PUDP: variants seen among roughly 807,000 people sequenced by gnomAD.
The protein encoded by PUDP is pseudouridine 5'-phosphatase.
A neutral mutation model predicts 9.4 loss-of-function variants in PUDP; 8 were observed. The observed-to-expected ratio is 0.85, with a 90% CI of 0.50 to 1.53. The LOEUF is 1.53. Among genes scored for constraint, PUDP ranks in the 40% most tolerant of loss-of-function variants. The pLI is 0.00. For missense variants in PUDP, 188 were observed against 189.7 expected, an observed-to-expected ratio of 0.99 and a Z score of 0.05; for synonymous variants, 99 against 80.7, an observed-to-expected ratio of 1.23 and a Z score of -1.22.
chrX:7,124,896 G>A (rs765443731), intron 1 of PUDP, among the ~76,000 whole-genome samples: 23 of 108,932 alleles, frequency 2.1e-4, no homozygotes, highest in South Asian at 4.0e-4. Context: ...TGCAGTGAGC[G>A]GAGATGGCGC....
intron 1 of PUDP, among the ~76,000 whole-genome samples, chrX:7,145,785 T>G (rs1932845338): frequency 1.8e-5 from 2 of 111,762 alleles, no homozygotes; most frequent in African/African-American, 6.5e-5. Context: ...TTTTCAATTT[T>G]ACTTCCCCAA....
At chrX:6,947,732 C>T (rs1176559251) in intron 3 of PUDP, among the ~76,000 whole-genome samples, 2 of 110,443 alleles carry the variant, frequency 1.8e-5, no homozygotes, top group Non-Finnish European at 3.8e-5. Context: ...TTCAAGGTTA[C>T]AGTGCACTGT....
At chrX:6,832,884 A>G (rs1309235634) in intron 3 of PUDP, among the ~76,000 whole-genome samples, 1 of 111,274 alleles carries the variant, frequency 9.0e-6, no homozygotes, top group Non-Finnish European at 1.9e-5. Flanking sequence ...CCTAATGGTT[A>G]ATTCTAGCAC....
intron 2 of PUDP, among the ~76,000 whole-genome samples, chrX:7,087,587 T>C (rs1355506623): frequency 8.9e-6 from 1 of 112,520 alleles, no homozygotes; most frequent in South Asian, 3.7e-4. Flanking sequence ...CCATCTTAAT[T>C]ATCTTTCTCA....
downstream of PUDP, among the ~76,000 whole-genome samples, chrX:7,045,934 TATGCAGTGAA>T (rs1282568485): frequency 2.4e-4 from 27 of 112,188 alleles, no homozygotes; most frequent in East Asian, 8.4e-4. Flanking sequence ...TGGAATTGAA[TATGCAGTGAA>T]ATGCAGTGAA....
intron 2 of PUDP, 128 bp downstream of exon 2, chrX:7,105,492 G>A (rs929691334): frequency 6.6e-6 from 3 of 455,425 alleles, no homozygotes; most frequent in Non-Finnish European, 7.4e-6. Context: ...GCACCAGGAG[G>A]GACTTAGTTT....
intron 3 of PUDP, among the ~76,000 whole-genome samples, chrX:6,958,714 A>T (rs780164275): frequency 8.4e-5 from 8 of 95,060 alleles, no homozygotes; most frequent in Admixed American, 6.4e-4. Flanking sequence ...CCAACATTGC[A>T]CTCTTGGGCA....
chrX:7,115,134 G>A (rs1176218214), intron 1 of PUDP, among the ~76,000 whole-genome samples: 2 of 112,257 alleles, frequency 1.8e-5, no homozygotes, highest in Non-Finnish European at 3.8e-5. Context: ...GCATTCTCAC[G>A]GACATGGCCA....
intron 3 of PUDP, among the ~76,000 whole-genome samples, chrX:6,893,851 A>C (rs1040130264): frequency 8.9e-6 from 1 of 111,814 alleles, no homozygotes; most frequent in Non-Finnish European, 1.9e-5. Context: ...ATCAACCCAA[A>C]TGCCTGTCAG....
chrX:7,135,947 T>C (rs189139185), intron 1 of PUDP, among the ~76,000 whole-genome samples: 183 of 111,495 alleles, frequency 1.6e-3, no homozygotes, highest in African/African-American at 5.6e-3. Flanking sequence ...CAATATTTCA[T>C]AGTACCCCCT....
intron 3 of PUDP, among the ~76,000 whole-genome samples, chrX:6,788,768 A>T (rs1158656590): frequency 2.7e-5 from 3 of 112,533 alleles, no homozygotes; most frequent in African/African-American, 9.7e-5. Flanking sequence ...GACAAAAAAC[A>T]AGTAAATAGG....
At chrX:6,971,395 G>GT (rs1928873291) in intron 3 of PUDP, among the ~76,000 whole-genome samples, 1 of 108,339 alleles carries the variant, frequency 9.2e-6, no homozygotes, top group Admixed American at 9.9e-5. Flanking sequence ...ATTTAAAGTA[G>GT]TTTTTTCTTT....
At chrX:6,787,921 A>G (rs937067245) in intron 3 of PUDP, among the ~76,000 whole-genome samples, 8 of 112,530 alleles carry the variant, frequency 7.1e-5, no homozygotes, top group African/African-American at 2.6e-4. Flanking sequence ...TTTGTTCCCA[A>G]AGCCTCTGCT....
intron 3 of PUDP, among the ~76,000 whole-genome samples, chrX:6,930,329 TA>T (rs1928169640): frequency 9.0e-6 from 1 of 111,445 alleles, no homozygotes; most frequent in African/African-American, 3.3e-5. Flanking sequence ...ACCCTACTGA[TA>T]AGACAGGATG....
rs10699067 is a variant in PUDP, at chrX:7,000,139, A to AAGAG, written c.205-21800_205-21797dup. ...AGAGCGAGAGCAAGAGAGAGAGGAA[A>AAGAG]AGAGAGAGAGAGAGAGAGAAACAAA... On this transcript the variant is annotated intron_variant and NMD_transcript_variant, in intron 1 of 3. Transcript: ENST00000655425. 2.8e-3 allele frequency among the ~76,000 whole-genome samples: 297 copies of AAGAG among 104,281 alleles called. 1 individual carries two copies. Among genetic ancestry groups the AAGAG allele is most frequent in the African/African-American group, 6.6e-3 (191 of 28,744 alleles). The allele number at this position is 104,281 out of a possible 115,157, so 90.6% of individuals were successfully genotyped here. A position where few individuals can be genotyped will look rare whatever the true frequency, so the allele number is the denominator to read the frequency against.
chrX:7,063,009 T>C (rs1168481953), intron 3 of PUDP, among the ~76,000 whole-genome samples: 1 of 108,947 alleles, frequency 9.2e-6, no homozygotes, highest in Non-Finnish European at 1.9e-5. Context: ...GGTTACATGC[T>C]ACCTGCTATT....
intron 1 of PUDP, among the ~76,000 whole-genome samples, chrX:7,117,875 A>G (rs1295327912): frequency 8.8e-6 from 1 of 113,187 alleles, no homozygotes; most frequent in East Asian, 2.8e-4. Flanking sequence ...GCCTCAGGAC[A>G]CTGCTCCCCT....
intron 1 of PUDP, among the ~76,000 whole-genome samples, chrX:7,041,051 T>G (rs1929914901): frequency 8.9e-6 from 1 of 111,772 alleles, no homozygotes; most frequent in Admixed American, 9.5e-5. Flanking sequence ...CAGCTACAAA[T>G]GAGAAGGAAG....
chrX:6,867,896 C>T (rs147899698), intron 3 of PUDP, among the ~76,000 whole-genome samples: 1,755 of 111,381 alleles, frequency 0.016, 32 homozygotes, highest in African/African-American at 0.055. Flanking sequence ...TGATGGAGGG[C>T]AGAAGGGCAA....
Sources: allele counts gnomAD v4.1 joint callset (sites outside exome capture counted in the v4.1 genomes callset), GRCh38; gene constraint gnomAD v4.1.1; transcripts MANE v1.5; gene names NCBI Gene and HGNC (gene_info 2026-07-23, HGNC 2026-07-21).